USP30: variants seen among roughly 807,000 people sequenced by gnomAD.
USP30 encodes ubiquitin carboxyl-terminal hydrolase 30.
USP30 carries 41 observed loss-of-function variants against 68.2 expected under a neutral mutation model. That is an observed-to-expected ratio of 0.60 (90% CI 0.47 to 0.78). The LOEUF (loss-of-function observed/expected upper bound fraction) is 0.78, where lower values mean the gene tolerates loss of function less well. Among genes scored for constraint, USP30 ranks in the 30% least tolerant of loss-of-function variants. The probability of loss-of-function intolerance (pLI) is 0.00; values close to 1 mark genes in which losing one functional copy is unlikely to be tolerated. For missense variants in USP30, 522 were observed against 649.4 expected (o/e 0.80, Z 2.13); for synonymous variants, 229 against 253.7 (o/e 0.90, Z 0.93).
upstream of USP30, among the ~76,000 whole-genome samples, chr12:109,051,572 CT>C (rs35169304): frequency 5.3e-4 from 51 of 96,010 alleles, no homozygotes; most frequent in African/African-American, 9.9e-4. Flanking sequence ...CACCTGACCT[CT>C]TTTTTTTTTT....
At chr12:109,052,283 CCT>C (rs1444056199), upstream of USP30, 1 of 162,882 alleles carries the variant, frequency 6.1e-6, no homozygotes, top group Non-Finnish European at 1.3e-5. Context: ...ATAGCAGAGG[CCT>C]GACCCGACTT....
At chr12:109,049,898 G>A (rs2040643457), upstream of USP30, among the ~76,000 whole-genome samples, 1 of 152,226 alleles carries the variant, frequency 6.6e-6, no homozygotes, top group South Asian at 2.1e-4. Context: ...AGCACATGCT[G>A]TTGAAAATGG....
At chr12:109,083,100 C>A in intron 11 of USP30, 38 bp downstream of exon 11, 1 of 1,554,470 alleles carries the variant, frequency 6.4e-7, no homozygotes, top group South Asian at 1.2e-5. Flanking sequence ...CAGGAATTTT[C>A]AGCACAGAGA....
intron 3 of USP30, among the ~76,000 whole-genome samples, chr12:109,040,187 T>A (rs942868940): frequency 6.6e-6 from 1 of 151,934 alleles, no homozygotes; most frequent in Non-Finnish European, 1.5e-5. Context: ...AAAAAAAAAT[T>A]TAGGGTGCTA....
intron 3 of USP30, among the ~76,000 whole-genome samples, chr12:109,061,018 C>T (rs2041048310): frequency 6.6e-6 from 1 of 152,128 alleles, no homozygotes; most frequent in Non-Finnish European, 1.5e-5. Context: ...TTCCTGACCT[C>T]AAGTGATCCT....
intron 4 of USP30, among the ~76,000 whole-genome samples, chr12:109,068,034 G>A (rs2041314928): frequency 6.6e-6 from 1 of 152,120 alleles, no homozygotes; most frequent in African/African-American, 2.4e-5. Context: ...TCGGAGCTTT[G>A]CTTAAAGTAG....
At chr12:109,046,395 G>A (rs547024068) in intron 3 of USP30, among the ~76,000 whole-genome samples, 3 of 150,082 alleles carry the variant, frequency 2.0e-5, no homozygotes, top group East Asian at 2.0e-4. Context: ...TTACGGGCGT[G>A]AGCCATTGCA....
intron 2 of USP30, among the ~76,000 whole-genome samples, chr12:109,057,329 T>G (rs2040908406): frequency 6.6e-6 from 1 of 152,208 alleles, no homozygotes; most frequent in Admixed American, 6.5e-5. Flanking sequence ...AATTGAGGTT[T>G]ATTTTACATT....
intron 3 of USP30, among the ~76,000 whole-genome samples, chr12:109,029,994 T>C (rs1036329013): frequency 6.6e-6 from 1 of 152,182 alleles, no homozygotes; most frequent in Non-Finnish European, 1.5e-5. Context: ...AACAAGCAAA[T>C]AGTTTATTTC....
intron 6 of USP30, among the ~76,000 whole-genome samples, chr12:109,073,211 A>AC (rs1353025765): frequency 1.3e-5 from 2 of 152,238 alleles, no homozygotes; most frequent in Non-Finnish European, 2.9e-5. Context: ...ATGTGGCTCT[A>AC]CCCATTATAC....
intron 3 of USP30, among the ~76,000 whole-genome samples, chr12:109,065,233 TCA>T (rs2041210974): frequency 6.6e-6 from 1 of 152,170 alleles, no homozygotes; most frequent in Admixed American, 6.5e-5. Flanking sequence ...TTTTTTTCTC[TCA>T]CACTCTAGCA....
At chr12:109,064,133 A>G (rs1260562729) in intron 3 of USP30, among the ~76,000 whole-genome samples, 4 of 151,868 alleles carry the variant, frequency 2.6e-5, no homozygotes, top group Non-Finnish European at 4.4e-5. Context: ...CAGGCCCCCA[A>G]AGTGCTGGGA....
chr12:109,078,208 G>A (rs571411449), intron 7 of USP30, among the ~76,000 whole-genome samples: 113 of 152,112 alleles, frequency 7.4e-4, no homozygotes, highest in Non-Finnish European at 1.3e-3. Flanking sequence ...AGTGGATCAC[G>A]AGGTCAGGAG....
At chr12:109,055,400 A>ATATATATTTTTTTT (rs1298811530) in intron 1 of USP30, among the ~76,000 whole-genome samples, 8 of 24,474 alleles carry the variant, frequency 3.3e-4, no homozygotes, top group African/African-American at 7.8e-4. Flanking sequence ...ATATATATAT[A>ATATATATTTTTTTT]TTTTTTTTTT....
intron 7 of USP30, among the ~76,000 whole-genome samples, chr12:109,077,414 A>G (rs549117478): frequency 8.5e-4 from 129 of 152,180 alleles, no homozygotes; most frequent in Non-Finnish European, 1.6e-3. Flanking sequence ...GAGTTAACTC[A>G]TCTTGTCATG....
chr12:109,026,418 G>A (rs1171860565), intron 2 of USP30, among the ~76,000 whole-genome samples: 1 of 151,790 alleles, frequency 6.6e-6, no homozygotes, highest in African/African-American at 2.4e-5. Flanking sequence ...TCTTAGCCAG[G>A]TCAGTTGCCA....
chr12:109,034,756 C>T (rs2135663992), intron 3 of USP30, among the ~76,000 whole-genome samples: 1 of 152,196 alleles, frequency 6.6e-6, no homozygotes, highest in Middle Eastern at 3.4e-3. Flanking sequence ...TTGTCTATTT[C>T]TCCCTTTAAT....
intron 2 of USP30, among the ~76,000 whole-genome samples, chr12:109,025,245 G>A (rs2040435759): frequency 6.6e-6 from 1 of 151,968 alleles, no homozygotes; most frequent in Non-Finnish European, 1.5e-5. Flanking sequence ...GGTCTGTTAT[G>A]GAAATTCTCA....
intron 7 of USP30, among the ~76,000 whole-genome samples, chr12:109,078,610 A>AG (rs2041688268): frequency 6.6e-6 from 1 of 152,106 alleles, no homozygotes; most frequent in East Asian, 1.9e-4. Flanking sequence ...AAAAAAAAAA[A>AG]AAGAGTTGCC....
Sources: allele counts gnomAD v4.1 joint callset (sites outside exome capture counted in the v4.1 genomes callset), GRCh38; gene constraint gnomAD v4.1.1; transcripts MANE v1.5; gene names NCBI Gene and HGNC (gene_info 2026-07-23, HGNC 2026-07-21).